VAT1L: variants seen among roughly 807,000 people sequenced by gnomAD.
The protein encoded by VAT1L is putative NADPH-dependent quinone oxidoreductase VAT1L.
VAT1L carries 34 observed loss-of-function variants against 44.1 expected under a neutral mutation model. The ratio of observed to expected loss-of-function variants is 0.77; its 90% CI spans 0.59 to 1.03. VAT1L has a LOEUF of 1.03. Among genes scored for constraint, VAT1L ranks in the 50% least tolerant of loss-of-function variants. The pLI, the probability that VAT1L is intolerant of heterozygous loss-of-function variation, is 0.00. For missense variants in VAT1L, 615 were observed against 538.8 expected (o/e 1.14, Z -1.40); for synonymous variants, 253 against 202.2 (o/e 1.25, Z -2.13).
intron 3 of VAT1L, among the ~76,000 whole-genome samples, chr16:77,830,795 C>T (rs984707362): frequency 1.3e-5 from 2 of 152,152 alleles, no homozygotes; most frequent in African/African-American, 4.8e-5. Context: ...GGGATTCTCA[C>T]GCCTCAGCCT....
intron 7 of VAT1L, among the ~76,000 whole-genome samples, chr16:77,936,140 G>A (rs548739440): frequency 1.3e-5 from 2 of 152,312 alleles, no homozygotes; most frequent in East Asian, 3.9e-4. Flanking sequence ...CCCAGGACTG[G>A]CTGGGGAAAG....
chr16:77,823,311 C>A (rs1383597442), intron 2 of VAT1L, among the ~76,000 whole-genome samples: 1 of 152,152 alleles, frequency 6.6e-6, no homozygotes, highest in Admixed American at 6.5e-5. Flanking sequence ...AGACTGCATT[C>A]TCTTCTGAAA....
intron 6 of VAT1L, among the ~76,000 whole-genome samples, chr16:77,881,294 G>A (rs1225442686): frequency 1.3e-5 from 2 of 152,128 alleles, no homozygotes; most frequent in Non-Finnish European, 2.9e-5. Context: ...GCTGTTTGTG[G>A]TATTGTGCCA....
chr16:77,871,204 C>G (rs549501038), intron 4 of VAT1L, among the ~76,000 whole-genome samples: 1 of 152,130 alleles, frequency 6.6e-6, no homozygotes, highest in African/African-American at 2.4e-5. Context: ...CAACTTCTCC[C>G]CCTCAGAATC....
chr16:77,838,449 T>C (rs1251332242), intron 3 of VAT1L, among the ~76,000 whole-genome samples: 1 of 152,184 alleles, frequency 6.6e-6, no homozygotes, highest in Non-Finnish European at 1.5e-5. Flanking sequence ...TCTGATTGTG[T>C]TCATTTTGCA....
intron 7 of VAT1L, among the ~76,000 whole-genome samples, chr16:77,907,974 C>A (rs2017455512): frequency 6.6e-6 from 1 of 152,206 alleles, no homozygotes; most frequent in African/African-American, 2.4e-5. Flanking sequence ...GACACGGGGG[C>A]TCACGCCTGT....
chr16:77,899,378 C>T (rs1277573615), intron 7 of VAT1L, among the ~76,000 whole-genome samples: 1 of 152,202 alleles, frequency 6.6e-6, no homozygotes, highest in Non-Finnish European at 1.5e-5. Flanking sequence ...GAGAGATTGG[C>T]TTGAACACCC....
At chr16:77,963,770 T>C (rs891887549) in intron 7 of VAT1L, among the ~76,000 whole-genome samples, 3 of 151,894 alleles carry the variant, frequency 2.0e-5, no homozygotes, top group African/African-American at 7.3e-5. Flanking sequence ...GCATATGCAT[T>C]TGGTAAACAG....
chr16:77,943,139 C>A (rs1247136283), intron 7 of VAT1L, among the ~76,000 whole-genome samples: 1 of 151,546 alleles, frequency 6.6e-6, no homozygotes, highest in Non-Finnish European at 1.5e-5. Context: ...TCAGTGCAAC[C>A]TCCACCTCCC....
rs942402701 is a variant in VAT1L, at chr16:77,866,668, A to G, written c.722+3778A>G. Among the ~76,000 whole-genome samples, 8 of 152,174 alleles carry G rather than the reference A, an allele frequency of 5.3e-5. No homozygotes were observed. In the East Asian group the frequency reaches 9.6e-4, roughly 18 times the overall value. On this transcript the variant is annotated intron_variant, in intron 4 of 8. Transcript: ENST00000302536. The stretch of plus-strand genomic sequence containing the variant: ...TGAAAACTCTTTTATAAGCCAGTCA[A>G]TCGGGAAGCCTCCTTTGAACACATT...
intron 7 of VAT1L, among the ~76,000 whole-genome samples, chr16:77,951,228 G>C (rs990928037): frequency 4.6e-5 from 7 of 152,204 alleles, no homozygotes; most frequent in Non-Finnish European, 7.3e-5. Flanking sequence ...CAGCAGCAAA[G>C]TGGAAGGGTA....
At chr16:77,855,311 G>C (rs1052384251) in intron 3 of VAT1L, among the ~76,000 whole-genome samples, 1 of 149,938 alleles carries the variant, frequency 6.7e-6, no homozygotes, top group African/African-American at 2.5e-5. Flanking sequence ...CTGCACTCCA[G>C]CCTGGGCAAC....
chr16:77,966,962 A>C (rs11150030), intron 7 of VAT1L, among the ~76,000 whole-genome samples: 1 of 136,558 alleles, frequency 7.3e-6, no homozygotes, highest in Non-Finnish European at 1.5e-5. Context: ...AAAAAAAAGC[A>C]CCTCTGGTGG....
At chr16:77,908,403 G>T (rs1288798163) in intron 7 of VAT1L, among the ~76,000 whole-genome samples, 1 of 138,900 alleles carries the variant, frequency 7.2e-6, no homozygotes, top group Non-Finnish European at 1.5e-5. Flanking sequence ...GGCAGAGGTT[G>T]CAGTGAGCCG....
At chr16:77,924,274 C>G (rs1415757804) in intron 7 of VAT1L, among the ~76,000 whole-genome samples, 1 of 152,104 alleles carries the variant, frequency 6.6e-6, no homozygotes, top group Non-Finnish European at 1.5e-5. Flanking sequence ...GGCAGGATCT[C>G]TTTTTCATGC....
chr16:77,801,627 T>G (rs2016054655), intron 1 of VAT1L: 1 of 151,586 alleles, frequency 6.6e-6, no homozygotes, highest in Non-Finnish European at 1.5e-5. Context: ...ACTTTCAAAC[T>G]GCACTCTTCA....
intron 3 of VAT1L, among the ~76,000 whole-genome samples, chr16:77,852,391 G>A (rs1296822407): frequency 2.0e-5 from 3 of 152,218 alleles, no homozygotes; most frequent in African/African-American, 7.2e-5. Context: ...AGGGGGATCT[G>A]ATCAGGCGTC....
chr16:77,862,002 C>T lies in VAT1L; in HGVS notation c.580-746C>T, dbSNP rs552152744. Among the ~76,000 whole-genome samples the T allele has an allele frequency of 4.7e-4, 71 of 152,324 alleles. No homozygotes were observed. In the South Asian group the frequency reaches 5.4e-3, roughly 12 times the overall value. The stretch of plus-strand genomic sequence containing the variant: ...CCAGGTAAAATACCTACATCCAAAT[C>T]GTTATCTTAGGTTCGGCTTCTGGGG... On this transcript the variant is annotated intron_variant, in intron 3 of 8. Coordinates refer to ENST00000302536, the MANE Select transcript of VAT1L (RefSeq NM_020927.3).
intron 7 of VAT1L, among the ~76,000 whole-genome samples, chr16:77,946,276 G>GT (rs1597114758): frequency 3.0e-5 from 1 of 33,862 alleles, no homozygotes; most frequent in African/African-American, 1.1e-4. Context: ...TAGGTTACTT[G>GT]TTCTTTTTTT....
Sources: allele counts gnomAD v4.1 joint callset (sites outside exome capture counted in the v4.1 genomes callset), GRCh38; gene constraint gnomAD v4.1.1; transcripts MANE v1.5; gene names NCBI Gene and HGNC (gene_info 2026-07-23, HGNC 2026-07-21).